Variants in MAP4 observed in about 807,000 individuals in gnomAD.
MAP4 encodes microtubule associated protein 4.
Under a neutral mutation model 170.2 loss-of-function variants are expected in MAP4, and 76 were observed. That is an observed-to-expected ratio of 0.45 (90% CI 0.37 to 0.54). The LOEUF (loss-of-function observed/expected upper bound fraction) is 0.54, where lower values mean the gene tolerates loss of function less well. Ranked by LOEUF, MAP4 falls within the 20% of genes least tolerant of loss-of-function variation. The pLI, the probability that MAP4 is intolerant of heterozygous loss-of-function variation, is 0.00. For missense variants in MAP4, 2,506 were observed against 2,748.0 expected (o/e 0.91, Z 1.97); for synonymous variants, 909 against 994.5 (o/e 0.91, Z 1.62).
intron 10 of MAP4, among the ~76,000 whole-genome samples, chr3:47,889,156 T>C (rs913266092): frequency 3.3e-5 from 5 of 151,988 alleles, no homozygotes; most frequent in African/African-American, 9.7e-5. Context: ...GAGAATGGAG[T>C]ACATGTGCAG....
At position 47,911,787 on chromosome 3, in the gene MAP4, C is replaced by G; in HGVS notation, c.2634G>C (p.Glu878Asp). ...AISSQSKLRV[E>D]EESKSNKSVL... ...CTGACTTGTTACTTTTGCTCTCTTC[C>G]TCTACTCTCAGCTTAGACTGAGAAC... The change falls in exon 9 of 21, where the codon GAG becomes GAC. Residue 878 changes from glutamate (E) to aspartate (D), a missense_variant. Physicochemically the swap from Glu to Asp is conservative, Grantham distance 45. Coordinates refer to ENST00000683076, the MANE Select transcript of MAP4 (RefSeq NM_001385682.1). The surrounding 1 kb of genome is among the most constrained non-coding windows in gnomAD (Gnocchi z 4.0). 1 of 1,536,154 alleles carries G rather than the reference C, an allele frequency of 6.5e-7. No individual in the cohort carries two copies. Among genetic ancestry groups the G allele is most frequent in the South Asian group, 1.2e-5 (1 of 84,060 alleles).
At chr3:47,987,825 G>T (rs1012528118) in intron 2 of MAP4, among the ~76,000 whole-genome samples, 3 of 152,124 alleles carry the variant, frequency 2.0e-5, no homozygotes, top group Non-Finnish European at 4.4e-5. Context: ...TCATGCATAT[G>T]TTAAAGTCTG....
chr3:47,940,601 C>T (rs953019195), intron 3 of MAP4, among the ~76,000 whole-genome samples: 1 of 152,138 alleles, frequency 6.6e-6, no homozygotes, highest in Non-Finnish European at 1.5e-5. Flanking sequence ...AGGCATTTAA[C>T]AGAAAAGGCA....
intron 1 of MAP4, among the ~76,000 whole-genome samples, chr3:48,023,556 T>C (rs1162386878): frequency 2.0e-5 from 3 of 152,212 alleles, no homozygotes; most frequent in Admixed American, 6.5e-5. Context: ...CTCACTGGAA[T>C]GTGTTTCTCT....
intron 17 of MAP4, among the ~76,000 whole-genome samples, chr3:47,863,014 T>C (rs2070736517): frequency 6.6e-6 from 1 of 152,042 alleles, no homozygotes. Context: ...TTCGCTCTTG[T>C]TGCCCAGGCT....
chr3:47,916,375 T>C lies in MAP4; in HGVS notation c.1452A>G (p.Thr484=). 6.2e-7 allele frequency: 1 copy of C among 1,614,224 alleles called. No individual in the cohort carries two copies. Among genetic ancestry groups the C allele is most frequent in the Non-Finnish European group, 8.5e-7 (1 of 1,180,040 alleles). The change falls in exon 7 of 21, where the codon ACA becomes ACG. Residue 484 remains threonine (T), a synonymous_variant. Coordinates refer to ENST00000683076, the MANE Select transcript of MAP4 (RefSeq NM_001385682.1). The part of the protein sequence containing the change: ...PVKDMAQLPE[T]EIAPAKDVAP... ...CCACATCCTTGGCCGGGGCTATTTC[T>C]GTTTCTGGGAGTTGAGCCATGTCCT...
intron 1 of MAP4, among the ~76,000 whole-genome samples, chr3:48,043,572 T>G (rs1457545980): frequency 6.6e-6 from 1 of 152,244 alleles, no homozygotes; most frequent in Non-Finnish European, 1.5e-5. Flanking sequence ...GAATATTTTC[T>G]ACAAATATTA....
chr3:47,891,802 C>G (rs1436349628), intron 10 of MAP4: 1 of 1,536,226 alleles, frequency 6.5e-7, no homozygotes, highest in Admixed American at 2.0e-5. Flanking sequence ...GGAGTGGGGA[C>G]TCACACTTCA....
chr3:48,077,836 T>C (rs1290902239), intron 1 of MAP4, among the ~76,000 whole-genome samples: 2 of 152,190 alleles, frequency 1.3e-5, no homozygotes, highest in African/African-American at 2.4e-5. Context: ...ATCCATGTAA[T>C]GTAATATTAT....
chr3:47,883,624 G>T (rs2097139063), intron 10 of MAP4, among the ~76,000 whole-genome samples: 1 of 152,036 alleles, frequency 6.6e-6, no homozygotes, highest in Non-Finnish European at 1.5e-5. Flanking sequence ...GCCTCCTTTA[G>T]CCATTCTCTA....
At chr3:47,959,620 G>A (rs1018129344) in intron 3 of MAP4, among the ~76,000 whole-genome samples, 2 of 151,858 alleles carry the variant, frequency 1.3e-5, no homozygotes, top group East Asian at 2.0e-4. Context: ...TTAGCCGGAC[G>A]TGGTGGCGGG....
intron 6 of MAP4, among the ~76,000 whole-genome samples, chr3:47,917,944 T>C (rs543155184): frequency 5.6e-4 from 86 of 152,222 alleles, no homozygotes; most frequent in Non-Finnish European, 1.0e-3. Context: ...AATTCTCCTG[T>C]CTCAGCCTCC....
chr3:47,999,007 C>T lies in MAP4; in HGVS notation c.-19-128G>A, dbSNP rs1480417853. ...TCTAAGATTTTACAGCTAGAAGAGG[C>T]TCCCTCATTTGAAAGATGAGAAAAA... is the stretch of plus-strand genomic sequence containing the variant. On this transcript the variant is annotated intron_variant, in intron 1 of 20. Transcript: ENST00000683076. 5 of 637,812 alleles carry T rather than the reference C, an allele frequency of 7.8e-6. No individual in the cohort carries two copies. In the African/African-American group the frequency reaches 9.1e-5, roughly 12 times the overall value. The allele number at this position is 637,812 out of a possible 1,614,324, so 39.5% of individuals were successfully genotyped here.
chr3:47,885,792 C>T (rs319691), intron 10 of MAP4, among the ~76,000 whole-genome samples: 57,653 of 150,322 alleles, frequency 0.38, 12,395 homozygotes, highest in African/African-American at 0.59. Flanking sequence ...GCAGTGGCGC[C>T]ATCTCGGCTC....
At chr3:48,066,730 G>A (rs1395063498) in intron 1 of MAP4, among the ~76,000 whole-genome samples, 18 of 149,092 alleles carry the variant, frequency 1.2e-4, no homozygotes, top group Admixed American at 1.2e-3. Context: ...CAGGAGGTCT[G>A]AGAACCAATC....
At chr3:47,987,499 A>G in intron 2 of MAP4, 1 of 1,100,012 alleles carries the variant, frequency 9.1e-7, no homozygotes, top group East Asian at 2.6e-5. Flanking sequence ...CCAATCTTAA[A>G]GGATTTTAGA....
intron 1 of MAP4, among the ~76,000 whole-genome samples, chr3:48,068,504 G>C (rs1166808925): frequency 6.6e-6 from 1 of 151,970 alleles, no homozygotes; most frequent in Non-Finnish European, 1.5e-5. Context: ...AAGAAGCTGG[G>C]ACTGGCCAGG....
At chr3:48,000,320 C>T (rs935965944) in intron 1 of MAP4, among the ~76,000 whole-genome samples, 2 of 149,954 alleles carry the variant, frequency 1.3e-5, no homozygotes, top group African/African-American at 4.9e-5. Flanking sequence ...GTGCAAGGTA[C>T]TACGCCTGCT....
intron 5 of MAP4, among the ~76,000 whole-genome samples, chr3:47,920,885 C>G (rs919500578): frequency 1.3e-5 from 2 of 152,102 alleles, no homozygotes; most frequent in Non-Finnish European, 2.9e-5. Context: ...TGGCTGGGTG[C>G]AAAGGCTCAC....
Sources: allele counts gnomAD v4.1 joint callset (sites outside exome capture counted in the v4.1 genomes callset), GRCh38; gene constraint gnomAD v4.1.1; non-coding constraint Gnocchi (gnomAD v3.1); transcripts MANE v1.5; gene names NCBI Gene and HGNC (gene_info 2026-07-23, HGNC 2026-07-21).